CNTN4: variants seen among roughly 807,000 people sequenced by gnomAD.
The protein encoded by CNTN4 is contactin-4.
Under a neutral mutation model 122.5 loss-of-function variants are expected in CNTN4, and 77 were observed. The observed-to-expected ratio is 0.63, with a 90% CI of 0.52 to 0.76. CNTN4 has a LOEUF of 0.76. CNTN4 is among the 30% of genes least tolerant of loss of function. CNTN4 has a pLI of 0.00. For missense variants in CNTN4, 1,256 were observed against 1,259.1 expected, an observed-to-expected ratio of 1.00 and a Z score of 0.04; for synonymous variants, 512 against 447.0, an observed-to-expected ratio of 1.15 and a Z score of -1.83.
intron 14 of CNTN4, among the ~76,000 whole-genome samples, chr3:3,003,703 AAAAAAAAAAAAC>A (rs1696288269): frequency 6.7e-6 from 1 of 149,190 alleles, no homozygotes. Flanking sequence ...AAAAAAAAAA[AAAAAAAAAAAAC>A]AAAAAAACCC....
chr3:2,459,639 C>T (rs976331540), intron 3 of CNTN4, among the ~76,000 whole-genome samples: 2 of 151,984 alleles, frequency 1.3e-5, no homozygotes, highest in African/African-American at 4.8e-5. Context: ...GGCCAGGTGG[C>T]AAGCAGAGAA....
intron 7 of CNTN4, among the ~76,000 whole-genome samples, chr3:2,836,088 AC>A (rs2093219447): frequency 6.6e-6 from 1 of 152,034 alleles, no homozygotes; most frequent in African/African-American, 2.4e-5. Context: ...ACTACAGACA[AC>A]TCTATGATCA....
At chr3:2,224,858 A>G (rs1444798221) in intron 2 of CNTN4, among the ~76,000 whole-genome samples, 1 of 152,178 alleles carries the variant, frequency 6.6e-6, no homozygotes, top group African/African-American at 2.4e-5. Flanking sequence ...TATTAGAAGT[A>G]CTAAGGTTTG....
At chr3:2,825,493 A>G (rs1462274357) in intron 7 of CNTN4, among the ~76,000 whole-genome samples, 5 of 152,128 alleles carry the variant, frequency 3.3e-5, no homozygotes, top group African/African-American at 7.2e-5. Flanking sequence ...AAGTGCTGGG[A>G]TTACAGGTGT....
At chr3:2,303,049 T>C (rs1009074443) in intron 2 of CNTN4, among the ~76,000 whole-genome samples, 3 of 152,202 alleles carry the variant, frequency 2.0e-5, no homozygotes, top group African/African-American at 7.2e-5. Flanking sequence ...ATAATGATGA[T>C]ATAGTCTTCA....
intron 12 of CNTN4, among the ~76,000 whole-genome samples, chr3:2,904,183 T>C (rs1209284871): frequency 6.6e-6 from 1 of 152,224 alleles, no homozygotes; most frequent in Non-Finnish European, 1.5e-5. Flanking sequence ...TCAGTAGTCA[T>C]TCTCCTTGGT....
chr3:2,328,674 A>C (rs996962968), intron 2 of CNTN4, among the ~76,000 whole-genome samples: 38 of 152,018 alleles, frequency 2.5e-4, no homozygotes, highest in Admixed American at 1.3e-3. Flanking sequence ...GAAAAAAAAA[A>C]CAATAAAAAA....
intron 15 of CNTN4, among the ~76,000 whole-genome samples, chr3:3,026,517 T>G (rs374751178): frequency 2.6e-5 from 4 of 152,262 alleles, no homozygotes; most frequent in African/African-American, 9.6e-5. Context: ...GTGTATGGAT[T>G]AGAAACTAAG....
At chr3:2,915,914 A>C (rs1239828187) in intron 12 of CNTN4, among the ~76,000 whole-genome samples, 1 of 152,240 alleles carries the variant, frequency 6.6e-6, no homozygotes, top group African/African-American at 2.4e-5. Context: ...TATGCTAATG[A>C]AACGAGCCAG....
intron 4 of CNTN4, among the ~76,000 whole-genome samples, chr3:2,627,535 C>T (rs1399853321): frequency 6.7e-6 from 1 of 149,324 alleles, no homozygotes; most frequent in African/African-American, 2.5e-5. Context: ...ACTCTGTCGC[C>T]CAGGCTGGAG....
chr3:2,124,491 G>A (rs977256248), intron 2 of CNTN4, among the ~76,000 whole-genome samples: 5 of 148,498 alleles, frequency 3.4e-5, no homozygotes, highest in Admixed American at 2.1e-4. Context: ...AGCAAGGTAT[G>A]CTGGCTCACA....
chr3:2,791,570 A>G (rs1457004925), intron 6 of CNTN4, among the ~76,000 whole-genome samples: 1 of 152,094 alleles, frequency 6.6e-6, no homozygotes, highest in Non-Finnish European at 1.5e-5. Flanking sequence ...GCTCTATACA[A>G]ACATAGTAAG....
chr3:2,799,414 A>G (rs975068612), intron 6 of CNTN4, among the ~76,000 whole-genome samples: 12 of 152,266 alleles, frequency 7.9e-5, no homozygotes, highest in East Asian at 1.9e-4. Context: ...GCATAGGCCA[A>G]TGTCCTCAAG....
At chr3:2,776,274 CTTTTTTTTT>C (rs10575193) in intron 6 of CNTN4, among the ~76,000 whole-genome samples, 2,279 of 134,214 alleles carry the variant, frequency 0.017, 68 homozygotes, top group African/African-American at 0.061. Flanking sequence ...ATAAGTGTTT[CTTTTTTTTT>C]TTTTTTTTTT....
intron 3 of CNTN4, among the ~76,000 whole-genome samples, chr3:2,396,963 A>AT (rs2046664554): frequency 6.6e-6 from 1 of 152,154 alleles, no homozygotes; most frequent in Admixed American, 6.5e-5. Flanking sequence ...AGTAAAGGAT[A>AT]TTTTTGTGTG....
chr3:3,018,852 T>C (rs779418410), intron 14 of CNTN4, among the ~76,000 whole-genome samples: 1 of 151,988 alleles, frequency 6.6e-6, no homozygotes, highest in Non-Finnish European at 1.5e-5. Flanking sequence ...TCTGGGACTA[T>C]TGCAGGAAAA....
intron 14 of CNTN4, among the ~76,000 whole-genome samples, chr3:3,021,797 C>A (rs905296627): frequency 6.6e-6 from 1 of 152,202 alleles, no homozygotes; most frequent in Non-Finnish European, 1.5e-5. Flanking sequence ...TAAGAACTAT[C>A]AGCCAGGTAT....
intron 2 of CNTN4, among the ~76,000 whole-genome samples, chr3:2,186,943 T>G (rs1195453004): frequency 6.6e-6 from 1 of 152,242 alleles, no homozygotes; most frequent in South Asian, 2.1e-4. Context: ...AGATCTCATT[T>G]GTCAATTTTG....
At chr3:2,440,527 C>T (rs186734054) in intron 3 of CNTN4, among the ~76,000 whole-genome samples, 3 of 152,196 alleles carry the variant, frequency 2.0e-5, no homozygotes, top group East Asian at 1.9e-4. Flanking sequence ...TTAATATGTG[C>T]GTGTTGTGCT....
Sources: allele counts gnomAD v4.1 joint callset (sites outside exome capture counted in the v4.1 genomes callset), GRCh38; gene constraint gnomAD v4.1.1; transcripts MANE v1.5; gene names NCBI Gene and HGNC (gene_info 2026-07-23, HGNC 2026-07-21).